Variants in CDKL1 observed in about 807,000 individuals in gnomAD.
CDKL1 encodes the protein cyclin dependent kinase like 1, also known as cyclin-dependent kinase-like 1.
CDKL1 carries 41 observed loss-of-function variants against 42.0 expected under a neutral mutation model. The observed-to-expected ratio is 0.98, with a 90% CI of 0.76 to 1.27. The LOEUF is 1.27. Ranked by LOEUF, CDKL1 falls within the 50% of genes most tolerant of loss-of-function variation. The pLI is 0.00. For synonymous variants in CDKL1, 153 were observed against 158.6 expected, an observed-to-expected ratio of 0.96 and a Z score of 0.26; for missense variants, 394 against 428.4, an observed-to-expected ratio of 0.92 and a Z score of 0.71.
At chr14:50,397,164 G>C, upstream of CDKL1, 1 of 1,366,414 alleles carries the variant, frequency 7.3e-7, no homozygotes, top group Non-Finnish European at 9.8e-7. Context: ...AGACGCCTGC[G>C]CTAGGAGCCC....
At chr14:50,387,022 G>A (rs1446410533) in intron 2 of CDKL1, among the ~76,000 whole-genome samples, 4 of 66,046 alleles carry the variant, frequency 6.1e-5, no homozygotes, top group South Asian at 4.8e-4. Flanking sequence ...GCGAGACTCC[G>A]TCTCAAAAAG....
At chr14:50,334,763 C>T (rs1334047943) in intron 7 of CDKL1, 142 bp from the exon 8 acceptor site, 1 of 631,238 alleles carries the variant, frequency 1.6e-6, no homozygotes, top group Non-Finnish European at 2.8e-6. Flanking sequence ...CTGCCCAAAA[C>T]AGTCTCCCTT....
Position 50,359,284 on chromosome 14 carries a change from C to G in CDKL1, c.169-135G>C, listed in dbSNP as rs1036914195. On this transcript the variant is annotated intron_variant, in intron 2 of 9. Coordinates refer to ENST00000395834, the MANE Select transcript of CDKL1 (RefSeq NM_004196.7). ...GATTGAAGGAGGCTGTAAACAGTAT[C>G]ATCTTACCCCTCTTAACAAGCTATT... 1.1e-4 allele frequency: 105 copies of G among 936,266 alleles called. 1 individual carries two copies. The highest frequency in any genetic ancestry group is 9.7e-4 in the Middle Eastern group (3 of 3,090). The allele number at this position is 936,266 out of a possible 1,614,324, so 58.0% of individuals were successfully genotyped here.
intron 2 of CDKL1, chr14:50,377,570 G>A (rs1345507684): frequency 3.7e-6 from 5 of 1,344,062 alleles, no homozygotes; most frequent in Non-Finnish European, 4.9e-6. Context: ...CAGGCCTTCA[G>A]AATGGAATTC....
intron 2 of CDKL1, among the ~76,000 whole-genome samples, chr14:50,386,966 G>A (rs2139535224): frequency 6.6e-6 from 1 of 151,658 alleles, no homozygotes; most frequent in South Asian, 2.1e-4. Flanking sequence ...GGTGGAGGTT[G>A]CAGTAAGCCA....
chr14:50,350,466 T>G (rs1261368301), intron 3 of CDKL1, among the ~76,000 whole-genome samples: 1 of 152,230 alleles, frequency 6.6e-6, no homozygotes, highest in African/African-American at 2.4e-5. Flanking sequence ...CCTTAATCTA[T>G]GAGAGAAGAA....
chr14:50,389,525 T>G (rs1399877588), intron 2 of CDKL1, among the ~76,000 whole-genome samples: 1 of 152,112 alleles, frequency 6.6e-6, no homozygotes, highest in Non-Finnish European at 1.5e-5. Context: ...CCTTTAGGAG[T>G]GACCTTGTTC....
chr14:50,334,913 C>T, intron 7 of CDKL1: 1 of 214,774 alleles, frequency 4.7e-6, no homozygotes, highest in Non-Finnish European at 8.1e-6. Context: ...AAAAACTTTT[C>T]TGAGCAGTTT....
At chr14:50,361,467 T>C (rs751866052) in intron 2 of CDKL1, among the ~76,000 whole-genome samples, 5 of 152,248 alleles carry the variant, frequency 3.3e-5, no homozygotes, top group Non-Finnish European at 5.9e-5. Flanking sequence ...CAGAACTTTT[T>C]TTCTTACAGT....
At chr14:50,378,380 G>T in intron 2 of CDKL1, 1 of 1,366,456 alleles carries the variant, frequency 7.3e-7, no homozygotes, top group Non-Finnish European at 9.8e-7. Flanking sequence ...TGCCTCATAG[G>T]TACCAGCAGC....
chr14:50,342,354 AG>A, intron 4 of CDKL1, 132 bp from the exon 5 acceptor site: 2 of 1,457,358 alleles, frequency 1.4e-6, no homozygotes, highest in Non-Finnish European at 1.8e-6. Context: ...CAACAGCAAA[AG>A]AGCAGCCTAA....
chr14:50,361,979 G>A (rs913681328), intron 2 of CDKL1, among the ~76,000 whole-genome samples: 1 of 152,228 alleles, frequency 6.6e-6, no homozygotes, highest in Non-Finnish European at 1.5e-5. Flanking sequence ...GGGAACCGGC[G>A]AGTTCCGGGT....
chr14:50,390,128 C>T (rs762100500), intron 2 of CDKL1: 2 of 1,364,066 alleles, frequency 1.5e-6, no homozygotes, highest in South Asian at 1.1e-5. Flanking sequence ...CTTGCCCCTA[C>T]CTGCCACATA....
chr14:50,342,462 G>A (rs1228940100), intron 4 of CDKL1: 4 of 1,283,278 alleles, frequency 3.1e-6, no homozygotes, highest in Non-Finnish European at 4.0e-6. Context: ...TGAAAGTAGG[G>A]TAGCCGGTCT....
intron 2 of CDKL1, among the ~76,000 whole-genome samples, chr14:50,380,582 C>A (rs940483941): frequency 6.6e-6 from 1 of 152,222 alleles, no homozygotes; most frequent in African/African-American, 2.4e-5. Flanking sequence ...ACCATATAAT[C>A]CACAAGGACC....
At chr14:50,339,520 G>A (rs1203786966) in intron 6 of CDKL1, among the ~76,000 whole-genome samples, 1 of 139,050 alleles carries the variant, frequency 7.2e-6, no homozygotes. Context: ...GAGGGAGGGA[G>A]GAAGAGAGGG....
chr14:50,344,568 C>G (rs1205881810), intron 4 of CDKL1, among the ~76,000 whole-genome samples: 4 of 149,994 alleles, frequency 2.7e-5, no homozygotes, highest in Non-Finnish European at 5.9e-5. Context: ...CTCCCCAGCT[C>G]AAGTGATCCT....
At chr14:50,353,141 T>A (rs1164741270) in intron 3 of CDKL1, among the ~76,000 whole-genome samples, 1 of 152,240 alleles carries the variant, frequency 6.6e-6, no homozygotes, top group Non-Finnish European at 1.5e-5. Flanking sequence ...CATTATGTGT[T>A]CGTTTCACAA....
chr14:50,342,086 A>G lies in CDKL1; in HGVS notation c.454+46T>C, dbSNP rs778489254. The G allele has an allele frequency of 2.7e-6, 4 of 1,485,608 alleles. No individual in the cohort carries two copies. In the East Asian group the frequency reaches 6.8e-5, roughly 25 times the overall value. The allele number at this position is 1,485,608 out of a possible 1,614,324, so 92.0% of individuals were successfully genotyped here. ...ATTTAGATCCTTTGTTGTATCAAGAACTTTTTCATTTTTTATACTTAACAA... is the reference window on the plus strand; with the variant it reads ...ATTTAGATCCTTTGTTGTATCAAGAGCTTTTTCATTTTTTATACTTAACAA... On this transcript the variant is annotated intron_variant, in intron 5 of 9. Transcript: ENST00000395834.
Sources: allele counts gnomAD v4.1 joint callset (sites outside exome capture counted in the v4.1 genomes callset), GRCh38; gene constraint gnomAD v4.1.1; transcripts MANE v1.5; gene names NCBI Gene and HGNC (gene_info 2026-07-23, HGNC 2026-07-21).